Variants in INO80D observed in about 807,000 individuals in gnomAD.
INO80D encodes the protein INO80 complex subunit D.
In INO80D, 21 loss-of-function variants were observed where a neutral mutation model predicts 87.6. The ratio of observed to expected loss-of-function variants is 0.24; its 90% CI spans 0.17 to 0.35. INO80D has a LOEUF of 0.35. Ranked by LOEUF, INO80D falls within the 10% of genes least tolerant of loss-of-function variation. INO80D has a pLI of 1.00. For synonymous variants in INO80D, 440 were observed against 491.0 expected (o/e 0.90, Z 1.37); for missense variants, 982 against 1,280.7 (o/e 0.77, Z 3.56).
intron 1 of INO80D, among the ~76,000 whole-genome samples, chr2:206,068,860 G>C (rs1464716667): frequency 1.3e-5 from 2 of 151,834 alleles, no homozygotes; most frequent in African/African-American, 2.4e-5. Flanking sequence ...CCACTACACA[G>C]TGCTAATTTT....
At position 206,085,911 on chromosome 2, in the gene INO80D, C is replaced by G. The variant is rs1027418376; in HGVS notation, c.-134G>C. On this transcript the variant is annotated 5_prime_UTR_variant, in exon 1 of 11. Coordinates refer to ENST00000403263, the MANE Select transcript of INO80D (RefSeq NM_017759.5). This position sits in a 1 kb window ranked among gnomAD's most constrained non-coding sequence, Gnocchi z 4.5. ...GCCGCCTCTGCTTACCTTTCAGCTG[C>G]TTTTTTTTTTCTCCTTCCCCCCTGT... 3 of 149,182 alleles carry G rather than the reference C, an allele frequency of 2.0e-5. No homozygotes were observed. The highest frequency in any genetic ancestry group is 7.4e-5 in the African/African-American group (3 of 40,670). The allele number at this position is 149,182 out of a possible 1,614,324, so 9.2% of individuals were successfully genotyped here. A position where few individuals can be genotyped will look rare whatever the true frequency, so the allele number is the denominator to read the frequency against.
At chr2:206,030,462 C>CAA (rs5838009) in intron 5 of INO80D, among the ~76,000 whole-genome samples, 197 of 140,542 alleles carry the variant, frequency 1.4e-3, no homozygotes, top group Middle Eastern at 3.8e-3. Flanking sequence ...GACTTTGTCT[C>CAA]AAAAAAAAAA....
At chr2:206,055,392 T>A (rs1166446527) in intron 4 of INO80D, among the ~76,000 whole-genome samples, 2 of 152,236 alleles carry the variant, frequency 1.3e-5, no homozygotes, top group African/African-American at 4.8e-5. Context: ...TACATTAAAT[T>A]ACAAGTTTTC....
intron 5 of INO80D, among the ~76,000 whole-genome samples, chr2:206,043,421 C>G (rs947904372): frequency 6.6e-6 from 1 of 151,866 alleles, no homozygotes; most frequent in Non-Finnish European, 1.5e-5. Flanking sequence ...CCGCCCACTT[C>G]GGCCTCCCAA....
At chr2:206,018,365 C>T (rs992971205) in intron 7 of INO80D, among the ~76,000 whole-genome samples, 8 of 152,044 alleles carry the variant, frequency 5.3e-5, no homozygotes, top group South Asian at 2.1e-4. Context: ...AGGCTGGTCT[C>T]GAACTCCTGA....
chr2:206,042,042 G>T (rs1357030989), intron 5 of INO80D, among the ~76,000 whole-genome samples: 11 of 152,014 alleles, frequency 7.2e-5, no homozygotes, highest in African/African-American at 2.7e-4. Context: ...TGACATGGGT[G>T]GATCTCTTAA....
rs187615338 is a variant in INO80D, at chr2:206,035,164, T to G, written c.1074-6829A>C. On this transcript the variant is annotated intron_variant, in intron 5 of 10. Coordinates refer to ENST00000403263, the MANE Select transcript of INO80D (RefSeq NM_017759.5). ...ATCAATATTGTGAAAATGACCATAC[T>G]GCCAAAAGTAATCTACAAGTTCAAC... Among the ~76,000 whole-genome samples, 23 of 152,226 alleles carry G rather than the reference T, an allele frequency of 1.5e-4. No individual in the cohort carries two copies. The East Asian group carries it at 4.4e-3, about 29-fold the overall frequency.
Position 206,028,289 on chromosome 2 carries a change from G to T in INO80D, c.1120C>A (p.Leu374Ile). 1 of 1,611,456 alleles carries T rather than the reference G, an allele frequency of 6.2e-7. No homozygotes were observed. Among genetic ancestry groups the T allele is most frequent in the Admixed American group, 1.7e-5 (1 of 59,972 alleles). ...AESRSSRVTQLCTYFQQKYKH... is the reference protein window; with the variant it reads ...AESRSSRVTQICTYFQQKYKH... ...TATTTCTGCTGAAAGTAAGTGCAAA[G>T]TTGAGTCACCCTGGAGCTCCTACTC... The change falls in exon 6 of 11, where the codon CTT becomes ATT. Residue 374 changes from leucine (L) to isoleucine (I), a missense_variant. Leu to Ile is a conservative substitution (Grantham distance 5). Transcript: ENST00000403263.
At chr2:206,073,263 C>CA (rs1690022477) in intron 1 of INO80D, among the ~76,000 whole-genome samples, 1 of 152,144 alleles carries the variant, frequency 6.6e-6, no homozygotes, top group Non-Finnish European at 1.5e-5. Context: ...GAAGTTATGA[C>CA]AAACGCACTG....
chr2:206,027,326 A>G (rs1485568716), intron 6 of INO80D, among the ~76,000 whole-genome samples: 2 of 152,176 alleles, frequency 1.3e-5, no homozygotes, highest in Non-Finnish European at 2.9e-5. Context: ...AACAGAAGGA[A>G]TTTTTTTCTT....
At chr2:206,007,505 C>T in intron 9 of INO80D, 64 bp from the exon 10 acceptor site, 1 of 1,514,972 alleles carries the variant, frequency 6.6e-7, no homozygotes, top group South Asian at 1.3e-5. Context: ...TACCACCAAG[C>T]CAAGTTCATT....
intron 6 of INO80D, 111 bp from the exon 7 acceptor site, chr2:206,019,956 C>T (rs2105818518): frequency 1.6e-6 from 1 of 622,130 alleles, no homozygotes; most frequent in East Asian, 2.9e-5. Flanking sequence ...ATATATATAA[C>T]ATCTACAGTC....
At chr2:206,052,878 T>C (rs1315499548) in intron 4 of INO80D, among the ~76,000 whole-genome samples, 1 of 152,174 alleles carries the variant, frequency 6.6e-6, no homozygotes, top group African/African-American at 2.4e-5. Flanking sequence ...AAGAGCTTTA[T>C]GGTTTCCTTA....
chr2:206,073,915 T>C lies in INO80D; in HGVS notation c.-123-10671A>G, dbSNP rs187153999. ...AGAAAAGGGGGGTGTCTCACTATGT[T>C]GCCCAGCTGGTCTCAAACTCCTAGT... On this transcript the variant is annotated intron_variant, in intron 1 of 10. Coordinates refer to ENST00000403263, the MANE Select transcript of INO80D (RefSeq NM_017759.5). Among the ~76,000 whole-genome samples, 20 of 152,202 alleles carry C rather than the reference T, an allele frequency of 1.3e-4. No homozygotes were observed. In the Middle Eastern group the frequency reaches 0.01, roughly 78 times the overall value.
rs1687827742 is a variant in INO80D at position 205,997,399 on chromosome 2, G to A, written c.*6969C>T. The A allele has an allele frequency of 6.6e-6, 1 of 151,976 alleles. No individual in the cohort carries two copies. The highest frequency in any genetic ancestry group is 2.4e-5 in the African/African-American group (1 of 41,404). 9.4% of individuals were successfully genotyped at this position (151,976 alleles called of 1,614,324 possible). A position where few individuals can be genotyped will look rare whatever the true frequency, so the allele number is the denominator to read the frequency against. ...TGAAATCACCCCAGCTTTGAAATATGCACGGTGAAATGATCCCACCAACTC... is the reference window on the plus strand; with the variant it reads ...TGAAATCACCCCAGCTTTGAAATATACACGGTGAAATGATCCCACCAACTC... On this transcript the variant is annotated 3_prime_UTR_variant, in exon 11 of 11. Coordinates refer to ENST00000403263, the MANE Select transcript of INO80D (RefSeq NM_017759.5).
intron 5 of INO80D, among the ~76,000 whole-genome samples, chr2:206,044,481 TAAAAAAAA>T (rs55925923): frequency 1.8e-5 from 2 of 112,542 alleles, no homozygotes; most frequent in Non-Finnish European, 3.6e-5. Context: ...AAATACCTGT[TAAAAAAAA>T]AAAAAAAAAA....
chr2:206,030,335 T>G (rs1192803631), intron 5 of INO80D, among the ~76,000 whole-genome samples: 1 of 152,124 alleles, frequency 6.6e-6, no homozygotes, highest in Non-Finnish European at 1.5e-5. Context: ...TAGTGGTGTA[T>G]TCCTGTAATC....
At chr2:206,065,285 A>G (rs1689784233) in intron 1 of INO80D, among the ~76,000 whole-genome samples, 1 of 152,148 alleles carries the variant, frequency 6.6e-6, no homozygotes, top group African/African-American at 2.4e-5. Context: ...CCTGACTAAC[A>G]AGGTGAAACC....
At chr2:206,017,484 A>G (rs1688349707) in intron 8 of INO80D, among the ~76,000 whole-genome samples, 196 bp downstream of exon 8, 1 of 152,252 alleles carries the variant, frequency 6.6e-6, no homozygotes, top group South Asian at 2.1e-4. Context: ...ACATAGGAAC[A>G]AAGAGAGTAT....
Sources: allele counts gnomAD v4.1 joint callset (sites outside exome capture counted in the v4.1 genomes callset), GRCh38; gene constraint gnomAD v4.1.1; non-coding constraint Gnocchi (gnomAD v3.1); transcripts MANE v1.5; gene names NCBI Gene and HGNC (gene_info 2026-07-23, HGNC 2026-07-21).